The following PDE4D variants were observed in gnomAD, a reference collection of about 807,000 sequenced individuals.
PDE4D encodes phosphodiesterase 4D.
A neutral mutation model predicts 87.4 loss-of-function variants in PDE4D; 24 were observed. The ratio of observed to expected loss-of-function variants is 0.27; its 90% confidence interval spans 0.20 to 0.39. The LOEUF is 0.39. Among genes scored for constraint, PDE4D ranks in the 10% least tolerant of loss-of-function variants. The probability of loss-of-function intolerance (pLI) is 1.00; values close to 1 mark genes in which losing one functional copy is unlikely to be tolerated. For missense variants in PDE4D, 714 were observed against 1,041.0 expected (o/e 0.69, Z 4.32); for synonymous variants, 384 against 383.2 (o/e 1.00, Z -0.02).
Position 59,213,618 on chromosome 5 carries a change from T to C in PDE4D, c.647+2159A>G, listed in dbSNP as rs79406483. ...TCTGTCAGGCAGCCTTAGTTCTTTC[T>C]TCCTACTCCACCCATCAGCCTTTTA... On this transcript the variant is annotated intron_variant, in intron 2 of 14. Coordinates refer to ENST00000340635, the MANE Select transcript of PDE4D (RefSeq NM_001104631.2). 0.016 allele frequency among the ~76,000 whole-genome samples: 2,499 copies of C among 152,180 alleles called. 237 individuals are homozygous for C. The East Asian group carries it at 0.28, about 17-fold the overall frequency.
chr5:59,517,704 A>C (rs922087942), intron 1 of PDE4D, among the ~76,000 whole-genome samples: 2 of 152,216 alleles, frequency 1.3e-5, no homozygotes, highest in African/African-American at 4.8e-5. Context: ...CAGTTACATG[A>C]GTTAAAATAC....
chr5:59,454,773 G>A (rs773901945), intron 1 of PDE4D, among the ~76,000 whole-genome samples: 3 of 152,192 alleles, frequency 2.0e-5, no homozygotes, highest in Non-Finnish European at 2.9e-5. Context: ...CAAAAATGCT[G>A]ACAGTGATAT....
intron 1 of PDE4D, among the ~76,000 whole-genome samples, chr5:59,596,205 T>C (rs1045750520): frequency 3.3e-5 from 5 of 151,156 alleles, no homozygotes; most frequent in Non-Finnish European, 5.9e-5. Context: ...GACTATGTTA[T>C]TTACAAATAC....
chr5:59,500,707 G>T (rs149143810), intron 1 of PDE4D, among the ~76,000 whole-genome samples: 2 of 151,962 alleles, frequency 1.3e-5, no homozygotes, highest in Non-Finnish European at 2.9e-5. Context: ...TCAGCTTCAC[G>T]CAATTTACCC....
chr5:60,069,322 C>G (rs1229794466), intron 2 of PDE4D, among the ~76,000 whole-genome samples: 1 of 152,172 alleles, frequency 6.6e-6, no homozygotes, highest in Non-Finnish European at 1.5e-5. Flanking sequence ...CTTCACCTTT[C>G]CACCATGTGA....
intron 6 of PDE4D, among the ~76,000 whole-genome samples, chr5:59,029,224 A>G (rs1756819027): frequency 6.8e-6 from 1 of 148,010 alleles, no homozygotes; most frequent in Admixed American, 6.9e-5. Flanking sequence ...CATCCTGGCT[A>G]ACACAGTGAA....
intron 2 of PDE4D, among the ~76,000 whole-genome samples, chr5:60,174,755 T>C (rs1265756733): frequency 6.6e-6 from 1 of 152,090 alleles, no homozygotes; most frequent in African/African-American, 2.4e-5. Flanking sequence ...GCTCACAACA[T>C]TTCTGAGGAG....
intron 1 of PDE4D, among the ~76,000 whole-genome samples, chr5:59,660,611 T>G (rs55884041): frequency 0.011 from 1,634 of 152,290 alleles, 24 homozygotes; most frequent in African/African-American, 0.038. Flanking sequence ...ATATAAGGCT[T>G]TGTTTTCAAG....
intron 2 of PDE4D, among the ~76,000 whole-genome samples, chr5:60,017,800 G>A (rs566414435): frequency 2.0e-3 from 302 of 152,164 alleles, no homozygotes; most frequent in African/African-American, 6.9e-3. Flanking sequence ...ATATTCCTTT[G>A]GGCATATACC....
intron 3 of PDE4D, among the ~76,000 whole-genome samples, chr5:59,922,538 CAG>C (rs1243774046): frequency 6.6e-6 from 1 of 152,080 alleles, no homozygotes; most frequent in African/African-American, 2.4e-5. Context: ...GGGCAAAAGG[CAG>C]AGTCATGAGC....
intron 1 of PDE4D, among the ~76,000 whole-genome samples, chr5:59,522,879 G>C (rs978220372): frequency 6.6e-6 from 1 of 152,148 alleles, no homozygotes; most frequent in Non-Finnish European, 1.5e-5. Flanking sequence ...GACTTACCAA[G>C]ACTCACAAGT....
chr5:59,883,205 G>A (rs888877558), intron 1 of PDE4D, among the ~76,000 whole-genome samples: 3 of 152,192 alleles, frequency 2.0e-5, no homozygotes, highest in Non-Finnish European at 4.4e-5. Context: ...TACAGGAACA[G>A]AGCAGGTCAA....
intron 3 of PDE4D, among the ~76,000 whole-genome samples, chr5:59,979,990 C>G (rs1332953177): frequency 6.6e-6 from 1 of 152,080 alleles, no homozygotes; most frequent in Admixed American, 6.6e-5. Flanking sequence ...TGAATTTCAA[C>G]TGAAAATATA....
At chr5:60,463,201 T>A (rs1747092974) in intron 1 of PDE4D, among the ~76,000 whole-genome samples, 1 of 152,124 alleles carries the variant, frequency 6.6e-6, no homozygotes, top group Non-Finnish European at 1.5e-5. Flanking sequence ...CAGGATTTAA[T>A]CAGGACTAGT....
intron 1 of PDE4D, among the ~76,000 whole-genome samples, chr5:59,762,256 A>C (rs1286289426): frequency 8.8e-6 from 1 of 113,544 alleles, no homozygotes; most frequent in Non-Finnish European, 2.0e-5. Context: ...ATGGGTACAC[A>C]TATGCGTATA....
At chr5:59,565,821 TG>T (rs1024645987) in intron 1 of PDE4D, among the ~76,000 whole-genome samples, 2 of 152,134 alleles carry the variant, frequency 1.3e-5, no homozygotes, top group African/African-American at 4.8e-5. Flanking sequence ...CGTCACCCTC[TG>T]GGGCACCTCC....
intron 5 of PDE4D, among the ~76,000 whole-genome samples, chr5:59,149,594 C>T (rs1340758951): frequency 6.6e-6 from 1 of 151,134 alleles, no homozygotes; most frequent in Non-Finnish European, 1.5e-5. Flanking sequence ...TTTTCAGAGT[C>T]TGAAAAAACA....
At chr5:59,128,290 G>T (rs1038453663) in intron 5 of PDE4D, among the ~76,000 whole-genome samples, 15 of 151,874 alleles carry the variant, frequency 9.9e-5, no homozygotes, top group African/African-American at 3.6e-4. Context: ...TAAAGAAAAA[G>T]AAATAGGAGG....
At chr5:60,174,159 GA>G (rs1335027857) in intron 2 of PDE4D, among the ~76,000 whole-genome samples, 2 of 152,046 alleles carry the variant, frequency 1.3e-5, no homozygotes, top group Non-Finnish European at 2.9e-5. Context: ...TGGAAATTGA[GA>G]GATAATCAAA....
Sources: gnomAD v4.1 joint callset for allele counts (sites outside exome capture counted in the v4.1 genomes callset) on GRCh38, gnomAD v4.1.1 for gene constraint, MANE v1.5 for transcripts, NCBI Gene and HGNC (gene_info 2026-07-23, HGNC 2026-07-21) for gene names.